STYXL1: variants seen among roughly 807,000 people sequenced by gnomAD.
The protein encoded by STYXL1 is serine/threonine/tyrosine-interacting-like protein 1.
In STYXL1, 32 loss-of-function variants were observed where a neutral mutation model predicts 36.4. The ratio of observed to expected loss-of-function variants is 0.88; its 90% CI spans 0.66 to 1.18. The LOEUF (loss-of-function observed/expected upper bound fraction) is 1.18, where lower values mean the gene tolerates loss of function less well. Among genes scored for constraint, STYXL1 ranks in the 50% most tolerant of loss-of-function variants. STYXL1 has a pLI of 0.00. For missense variants in STYXL1, 354 were observed against 394.1 expected, an observed-to-expected ratio of 0.90 and a Z score of 0.86; for synonymous variants, 133 against 144.1, an observed-to-expected ratio of 0.92 and a Z score of 0.55.
chr7:76,033,376 C>T (rs1554579914), intron 1 of STYXL1, among the ~76,000 whole-genome samples: 1 of 152,072 alleles, frequency 6.6e-6, no homozygotes, highest in East Asian at 1.9e-4. Flanking sequence ...AAACTCCTGT[C>T]CACAAGTGAT....
At chr7:76,001,909 G>T (rs1790989199) in intron 7 of STYXL1, among the ~76,000 whole-genome samples, 1 of 150,582 alleles carries the variant, frequency 6.6e-6, no homozygotes, top group African/African-American at 2.4e-5. Flanking sequence ...CAAAGTACTG[G>T]AATGACAGGT....
chr7:76,046,082 T>G (rs1554583375), intron 1 of STYXL1: 1 of 152,244 alleles, frequency 6.6e-6, no homozygotes, highest in Non-Finnish European at 1.5e-5. Flanking sequence ...TATGCTTATT[T>G]TTTCCCGCTA....
In STYXL1 at chr7:75,996,434, C is replaced by G. The variant is rs1554563995; in HGVS notation, c.*34G>C. ...ACCCACAAAATGCCCCCAGGTGAGG[C>G]TCTTCAGTACCCTTCGGTGGGCCTC... On this transcript the variant is annotated 3_prime_UTR_variant, in exon 9 of 9. Coordinates refer to ENST00000359697, the MANE Select transcript of STYXL1 (RefSeq NM_001317785.2). 1 of 1,614,134 alleles carries G rather than the reference C, an allele frequency of 6.2e-7. No individual in the cohort carries two copies. Among genetic ancestry groups the G allele is most frequent in the South Asian group, 1.1e-5 (1 of 91,078 alleles).
intron 5 of STYXL1, among the ~76,000 whole-genome samples, chr7:76,008,595 C>T (rs560267978): frequency 2.5e-4 from 38 of 152,282 alleles, no homozygotes; most frequent in African/African-American, 7.9e-4. Flanking sequence ...AGATGCATGA[C>T]CCCCCACTGC....
intron 1 of STYXL1, among the ~76,000 whole-genome samples, chr7:76,042,960 C>G (rs1443535891): frequency 1.3e-5 from 2 of 152,088 alleles, no homozygotes; most frequent in Non-Finnish European, 2.9e-5. Context: ...GGCTGGAAAT[C>G]TGAGGCTGGC....
chr7:75,996,351 C>G lies in STYXL1; in HGVS notation c.*117G>C. 1 of 1,591,894 alleles carries G rather than the reference C, an allele frequency of 6.3e-7. No individual in the cohort carries two copies. The highest frequency in any genetic ancestry group is 8.5e-7 in the Non-Finnish European group (1 of 1,170,670). ...GTACAGGAGGCTAACATGAGACTTT[C>G]AGGCAGCAAAGGCCTTCTCCTTCCA... is the stretch of plus-strand genomic sequence containing the variant. On this transcript the variant is annotated 3_prime_UTR_variant, in exon 9 of 9. Transcript: ENST00000359697.
intron 1 of STYXL1, among the ~76,000 whole-genome samples, chr7:76,032,467 T>A (rs1215306400): frequency 4.6e-5 from 7 of 151,022 alleles, no homozygotes; most frequent in African/African-American, 1.7e-4. Context: ...TCCCAGCACT[T>A]TTCGAGGCTG....
intron 7 of STYXL1, among the ~76,000 whole-genome samples, chr7:76,001,638 C>T (rs1790941493): frequency 6.6e-6 from 1 of 151,944 alleles, no homozygotes; most frequent in Non-Finnish European, 1.5e-5. Flanking sequence ...GGATTACAAG[C>T]ACCTGCCACC....
At chr7:76,027,462 G>A (rs947930890) in intron 3 of STYXL1, among the ~76,000 whole-genome samples, 1 of 150,608 alleles carries the variant, frequency 6.6e-6, no homozygotes, top group Non-Finnish European at 1.5e-5. Context: ...ATAAGATCCT[G>A]TCTTTAAAAA....
At chr7:75,999,733 A>AG (rs1462698278) in intron 8 of STYXL1, among the ~76,000 whole-genome samples, 2 of 151,768 alleles carry the variant, frequency 1.3e-5, no homozygotes, top group Non-Finnish European at 2.9e-5. Flanking sequence ...TTTTTAGTAG[A>AG]GGGGGTTTCA....
At chr7:76,015,259 G>T (rs1257065608) in intron 4 of STYXL1, among the ~76,000 whole-genome samples, 1 of 152,082 alleles carries the variant, frequency 6.6e-6, no homozygotes, top group African/African-American at 2.4e-5. Context: ...CAAAGAACAG[G>T]AAAGGGGAAA....
intron 1 of STYXL1, among the ~76,000 whole-genome samples, chr7:76,042,630 C>T (rs1315512915): frequency 6.6e-6 from 1 of 151,784 alleles, no homozygotes; most frequent in Non-Finnish European, 1.5e-5. Flanking sequence ...TGGTCTCAAA[C>T]TCCTGACCTC....
intron 2 of STYXL1, among the ~76,000 whole-genome samples, chr7:76,029,999 A>AT (rs372885317): frequency 1.6e-4 from 24 of 147,676 alleles, no homozygotes; most frequent in Middle Eastern, 6.9e-3. Flanking sequence ...CTTCTTTTTT[A>AT]TTTTTTTTTT....
Position 76,027,359 on chromosome 7 carries a change from T to A in STYXL1, c.165+1283A>T, listed in dbSNP as rs1374782453. Among the ~76,000 whole-genome samples, 5 of 151,984 alleles carry A rather than the reference T, an allele frequency of 3.3e-5. 1 individual carries two copies. In the South Asian group the frequency reaches 6.3e-4, roughly 19 times the overall value. On this transcript the variant is annotated intron_variant, in intron 3 of 8. Coordinates refer to ENST00000359697, the MANE Select transcript of STYXL1 (RefSeq NM_001317785.2). ...GGGGATGGGAAGGAAAAAAGGGAGATGCTTCCATCTTTGGATTATAGCCAA... is the reference window on the plus strand; with the variant it reads ...GGGGATGGGAAGGAAAAAAGGGAGAAGCTTCCATCTTTGGATTATAGCCAA...
chr7:76,027,922 AG>A (rs797043044), intron 3 of STYXL1, among the ~76,000 whole-genome samples: 8 of 152,188 alleles, frequency 5.3e-5, no homozygotes, highest in African/African-American at 1.9e-4. Context: ...TGGGCAACAC[AG>A]TGCAACCCCA....
chr7:76,014,779 C>A (rs1554573380), intron 4 of STYXL1, among the ~76,000 whole-genome samples: 1 of 150,438 alleles, frequency 6.6e-6, no homozygotes, highest in African/African-American at 2.5e-5. Flanking sequence ...ATATTATATA[C>A]ATGTATATAT....
At chr7:76,031,481 G>A (rs1795331919) in intron 1 of STYXL1, among the ~76,000 whole-genome samples, 1 of 151,930 alleles carries the variant, frequency 6.6e-6, no homozygotes, top group South Asian at 2.1e-4. Context: ...TTGGGAGGCC[G>A]AGGTAGGTGG....
chr7:76,035,219 C>G, intron 1 of STYXL1, among the ~76,000 whole-genome samples: 1 of 130,820 alleles, frequency 7.6e-6, no homozygotes. Context: ...TACAATCTCT[C>G]TCCTGATGAG....
At chr7:76,003,429 A>AGC (rs1218207615) in intron 7 of STYXL1, among the ~76,000 whole-genome samples, 1 of 152,212 alleles carries the variant, frequency 6.6e-6, no homozygotes, top group Non-Finnish European at 1.5e-5. Flanking sequence ...CTCAGCCCAG[A>AGC]GCCTCCATGA....
Sources: allele counts gnomAD v4.1 joint callset (sites outside exome capture counted in the v4.1 genomes callset), GRCh38; gene constraint gnomAD v4.1.1; transcripts MANE v1.5; gene names NCBI Gene and HGNC (gene_info 2026-07-23, HGNC 2026-07-21).